PNKD: variants seen among roughly 807,000 people sequenced by gnomAD.
PNKD encodes PNKD metallo-beta-lactamase domain containing.
In PNKD, 36 loss-of-function variants were observed where a neutral mutation model predicts 45.3. The observed-to-expected ratio is 0.80, with a 90% confidence interval of 0.61 to 1.05. The LOEUF (loss-of-function observed/expected upper bound fraction) is 1.05. PNKD is among the 50% of genes least tolerant of loss of function. PNKD has a pLI of 0.00. For missense variants in PNKD, 511 were observed against 506.6 expected (o/e 1.01, Z -0.08); for synonymous variants, 197 against 210.1 (o/e 0.94, Z 0.54).
rs770610260 is a variant in PNKD at position 218,278,007 on chromosome 2, T to C, written c.236+6458T>C. On this transcript the variant is annotated intron_variant, in intron 2 of 9. Transcript: ENST00000273077. ...GAAAGAGAAGCCTTGATTAAATGAC[T>C]TGGGGCCCCTCAGGCGTCAGAGGCT... The C allele has an allele frequency of 5.6e-6, 9 of 1,613,304 alleles. No homozygotes were observed. In the Admixed American group the frequency reaches 1.0e-4, roughly 18 times the overall value.
At chr2:218,314,394 T>A (rs1693710312) in intron 2 of PNKD, among the ~76,000 whole-genome samples, 3 of 151,952 alleles carry the variant, frequency 2.0e-5, no homozygotes, top group South Asian at 4.2e-4. Context: ...GCTGATTTTT[T>A]AAATTTTTTG....
intron 2 of PNKD, among the ~76,000 whole-genome samples, chr2:218,300,092 C>T (rs1362941280): frequency 6.6e-6 from 1 of 152,164 alleles, no homozygotes; most frequent in Non-Finnish European, 1.5e-5. Flanking sequence ...CCTCACTTTC[C>T]TCCTTGACCA....
intron 2 of PNKD, among the ~76,000 whole-genome samples, chr2:218,330,494 A>G (rs1399906622): frequency 1.3e-5 from 2 of 152,158 alleles, no homozygotes; most frequent in African/African-American, 4.8e-5. Context: ...AAGGAGTGGA[A>G]GGTGCACTTT....
intron 2 of PNKD, among the ~76,000 whole-genome samples, chr2:218,281,556 T>C (rs1243615839): frequency 2.6e-5 from 4 of 152,228 alleles, no homozygotes; most frequent in Non-Finnish European, 5.9e-5. Context: ...TGGTTCAGGT[T>C]CCCAAAGGAG....
At chr2:218,295,037 G>A (rs1027836432) in intron 2 of PNKD, among the ~76,000 whole-genome samples, 4 of 152,156 alleles carry the variant, frequency 2.6e-5, no homozygotes, top group Non-Finnish European at 4.4e-5. Flanking sequence ...ACTCACATCT[G>A]CCCGACTGGG....
chr2:218,332,729 T>A (rs1009299405), intron 2 of PNKD, among the ~76,000 whole-genome samples: 2 of 145,334 alleles, frequency 1.4e-5, no homozygotes, highest in Non-Finnish European at 1.5e-5. Context: ...CTCTCCCACC[T>A]GGATGACTCG....
chr2:218,335,307 C>T (rs1294902067), intron 2 of PNKD, among the ~76,000 whole-genome samples: 1 of 151,950 alleles, frequency 6.6e-6, no homozygotes, highest in African/African-American at 2.4e-5. Flanking sequence ...CATGGAGAAA[C>T]CCTATCTCTA....
chr2:218,277,332 C>CG (rs770252261), intron 2 of PNKD: 1 of 1,593,876 alleles, frequency 6.3e-7, no homozygotes, highest in South Asian at 1.1e-5. Flanking sequence ...AAAGGGGAGT[C>CG]GGGGGGCCAG....
chr2:218,277,156 A>G (rs1691300665), intron 2 of PNKD: 1 of 1,499,502 alleles, frequency 6.7e-7, no homozygotes, highest in Non-Finnish European at 9.3e-7. Context: ...CAGCCCAGTC[A>G]GACTGGCCCT....
At position 218,326,678 on chromosome 2, in the gene PNKD, G is replaced by T. The variant is rs1694162575; in HGVS notation, c.237-13105G>T. On this transcript the variant is annotated intron_variant, in intron 2 of 9. Transcript: ENST00000273077. This position sits in a 1 kb window ranked among gnomAD's most constrained non-coding sequence, Gnocchi z 4.1. ...GGTGGGAGAGTATCTATGGCCCTGT[G>T]TCCTTCTGGAGCTTCCTTACTTAAT... is the stretch of plus-strand genomic sequence containing the variant. 6.6e-6 allele frequency among the ~76,000 whole-genome samples: 1 copy of T among 152,090 alleles called. No individual in the cohort carries two copies. The highest frequency in any genetic ancestry group is 6.5e-5 in the Admixed American group (1 of 15,270).
chr2:218,271,306 C>A, intron 1 of PNKD, 75 bp from the exon 2 acceptor site: 3 of 1,255,232 alleles, frequency 2.4e-6, no homozygotes, highest in Non-Finnish European at 3.5e-6. Flanking sequence ...TCCTCCCAAG[C>A]CCTTACTGCC....
At chr2:218,342,463 G>T (rs1694708549) in intron 7 of PNKD, among the ~76,000 whole-genome samples, 1 of 152,140 alleles carries the variant, frequency 6.6e-6, no homozygotes, top group South Asian at 2.1e-4. Flanking sequence ...ACTTTGGGAG[G>T]CTGAGGTGGG....
chr2:218,279,013 C>T (rs755793228), intron 2 of PNKD: 2 of 1,613,602 alleles, frequency 1.2e-6, no homozygotes, highest in South Asian at 2.2e-5. Context: ...CCTCCCTGCC[C>T]AACCACAGAG....
At chr2:218,293,551 A>C (rs1693050732) in intron 2 of PNKD, among the ~76,000 whole-genome samples, 1 of 147,450 alleles carries the variant, frequency 6.8e-6, no homozygotes, top group African/African-American at 2.5e-5. Flanking sequence ...TAATAGCTAT[A>C]GGTCAGCACC....
chr2:218,323,355 C>T, intron 2 of PNKD: 1 of 1,581,908 alleles, frequency 6.3e-7, no homozygotes, highest in Non-Finnish European at 8.6e-7. Context: ...ACTTGTGAGC[C>T]CCCGCGGCTG....
At chr2:218,318,727 T>A (rs1300223050) in intron 2 of PNKD, among the ~76,000 whole-genome samples, 1 of 152,124 alleles carries the variant, frequency 6.6e-6, no homozygotes. Context: ...CCTGACTTCA[T>A]GGGGCTAACA....
intron 7 of PNKD, among the ~76,000 whole-genome samples, chr2:218,342,529 G>A (rs138578329): frequency 0.015 from 2,351 of 151,884 alleles, 60 homozygotes; most frequent in African/African-American, 0.054. Context: ...GTGAAACCCC[G>A]TCTCTACTAA....
chr2:218,279,386 C>T lies in PNKD; in HGVS notation c.236+7837C>T, dbSNP rs762326793. The T allele has an allele frequency of 2.0e-6, 3 of 1,527,338 alleles. No homozygotes were observed. In the South Asian group the frequency reaches 3.9e-5, roughly 20 times the overall value. The allele number at this position is 1,527,338 out of a possible 1,614,324, so 94.6% of individuals were successfully genotyped here. A position where few individuals can be genotyped will look rare whatever the true frequency, so the allele number is the denominator to read the frequency against. ...CAGACGGCCGGGCATGGGTCACCAT[C>T]CGGCACCCCTGGCCTGCCCCAGGAA... On this transcript the variant is annotated intron_variant, in intron 2 of 9. Coordinates refer to ENST00000273077, the MANE Select transcript of PNKD (RefSeq NM_015488.5).
chr2:218,298,320 A>C (rs1164584359), intron 2 of PNKD, among the ~76,000 whole-genome samples: 1 of 152,192 alleles, frequency 6.6e-6, no homozygotes, highest in Non-Finnish European at 1.5e-5. Context: ...CCTGTGAATC[A>C]GAATCTTCAG....
Sources: gnomAD v4.1 joint callset for allele counts (sites outside exome capture counted in the v4.1 genomes callset) on GRCh38, gnomAD v4.1.1 for gene constraint, Gnocchi (gnomAD v3.1) non-coding constraint, MANE v1.5 for transcripts, NCBI Gene and HGNC (gene_info 2026-07-23, HGNC 2026-07-21) for gene names.